The following RBFOX1 variants were observed in gnomAD, a reference collection of about 807,000 sequenced individuals.
RBFOX1 encodes the protein RNA binding fox-1 homolog 1, also known as RNA binding protein fox-1 homolog 1.
A neutral mutation model predicts 57.7 loss-of-function variants in RBFOX1; 8 were observed. The ratio of observed to expected loss-of-function variants is 0.14; its 90% CI spans 0.08 to 0.25. The LOEUF is 0.25. Among genes scored for constraint, RBFOX1 ranks in the 10% least tolerant of loss-of-function variants. The pLI is 1.00. For synonymous variants in RBFOX1, 326 were observed against 222.4 expected (o/e 1.47, Z -4.15); for missense variants, 611 against 548.5 (o/e 1.11, Z -1.14).
At chr16:7,667,925 C>T (rs934526241) in intron 13 of RBFOX1, among the ~76,000 whole-genome samples, 1 of 152,118 alleles carries the variant, frequency 6.6e-6, no homozygotes, top group Non-Finnish European at 1.5e-5. Context: ...CCATCCGCCT[C>T]GGTCTCCCAA....
rs1048992727 is a variant in RBFOX1 at position 6,402,698 on chromosome 16, A to T, written c.-64+85641A>T. ...CCTTAATGATGAGTAAGGCCCATTT[A>T]TTTAGAAAACATGGTTTGAAGGATA... On this transcript the variant is annotated intron_variant, in intron 2 of 15. Transcript: ENST00000550418. Among the ~76,000 whole-genome samples, 320 of 152,282 alleles carry T rather than the reference A, an allele frequency of 2.1e-3. 8 individuals carry two copies. The highest frequency in any genetic ancestry group is 5.4e-4 in the Non-Finnish European group (37 of 68,026).
intron 2 of RBFOX1, among the ~76,000 whole-genome samples, chr16:6,507,733 C>T (rs767126166): frequency 2.0e-5 from 3 of 151,878 alleles, no homozygotes; most frequent in Non-Finnish European, 4.4e-5. Context: ...AAGACACATA[C>T]AGTATGATTC....
chr16:7,627,770 T>C (rs1212044565), intron 10 of RBFOX1, among the ~76,000 whole-genome samples: 1 of 152,178 alleles, frequency 6.6e-6, no homozygotes, highest in Non-Finnish European at 1.5e-5. Context: ...AAGCGTCCTT[T>C]TAAGAAAAGG....
chr16:5,489,877 C>A (rs2042767664), intron 2 of RBFOX1, among the ~76,000 whole-genome samples: 1 of 152,258 alleles, frequency 6.6e-6, no homozygotes, highest in East Asian at 1.9e-4. Context: ...CAGACCTGGG[C>A]ATTCCAGGTA....
intron 3 of RBFOX1, among the ~76,000 whole-genome samples, chr16:6,911,795 A>C (rs554548763): frequency 6.6e-6 from 1 of 152,208 alleles, no homozygotes; most frequent in South Asian, 2.1e-4. Flanking sequence ...GAAGAGATCT[A>C]TTTTTTCTTC....
chr16:6,309,633 A>T (rs531805277), intron 1 of RBFOX1, among the ~76,000 whole-genome samples: 86 of 151,966 alleles, frequency 5.7e-4, no homozygotes, highest in Non-Finnish European at 1.0e-3. Flanking sequence ...GAAATTAAAC[A>T]CACCAACAAT....
chr16:5,449,528 A>T (rs1010423525), intron 1 of RBFOX1, among the ~76,000 whole-genome samples: 5 of 152,218 alleles, frequency 3.3e-5, no homozygotes, highest in African/African-American at 1.2e-4. Flanking sequence ...GGTCACAGTC[A>T]GGATTTGAAC....
chr16:7,001,393 TGTATTTGTATATGTATATGTATA>T (rs1568311727), intron 3 of RBFOX1, among the ~76,000 whole-genome samples: 65 of 117,144 alleles, frequency 5.5e-4, no homozygotes, highest in African/African-American at 3.3e-3. Flanking sequence ...TATGTGTATG[TGTATTTGTATATGTATATGTATA>T]TGTATATGTA....
intron 3 of RBFOX1, among the ~76,000 whole-genome samples, chr16:5,668,114 C>T (rs187524392): frequency 6.6e-6 from 1 of 152,240 alleles, no homozygotes; most frequent in Non-Finnish European, 1.5e-5. Context: ...AACTCTGTCT[C>T]TACTAAAAAT....
chr16:6,142,352 G>C (rs1485414294), intron 1 of RBFOX1, among the ~76,000 whole-genome samples: 1 of 151,242 alleles, frequency 6.6e-6, no homozygotes, highest in South Asian at 2.1e-4. Flanking sequence ...CTCCCGAGTA[G>C]CTGGGACTAC....
At chr16:7,026,406 G>A (rs2040943867) in intron 3 of RBFOX1, among the ~76,000 whole-genome samples, 1 of 152,208 alleles carries the variant, frequency 6.6e-6, no homozygotes, top group Non-Finnish European at 1.5e-5. Flanking sequence ...AGTGGGTAAA[G>A]AACAGTTGAG....
chr16:7,089,173 G>A (rs551689418), intron 4 of RBFOX1, among the ~76,000 whole-genome samples: 3 of 152,070 alleles, frequency 2.0e-5, no homozygotes, highest in African/African-American at 7.2e-5. Flanking sequence ...AATGAATTCT[G>A]GCAGCTGGAG....
At chr16:7,131,364 TAA>T (rs35050100) in intron 4 of RBFOX1, among the ~76,000 whole-genome samples, 2 of 83,302 alleles carry the variant, frequency 2.4e-5, no homozygotes, top group African/African-American at 9.0e-5. Context: ...TTTTTTTTTT[TAA>T]AAAAAAAAAA....
intron 4 of RBFOX1, among the ~76,000 whole-genome samples, chr16:7,501,411 T>C (rs932471307): frequency 6.6e-6 from 1 of 152,252 alleles, no homozygotes; most frequent in African/African-American, 2.4e-5. Context: ...ATTTACTCTT[T>C]GATTTAATCA....
At chr16:6,533,306 C>T (rs1215587731) in intron 2 of RBFOX1, among the ~76,000 whole-genome samples, 2 of 152,160 alleles carry the variant, frequency 1.3e-5, no homozygotes, top group African/African-American at 4.8e-5. Flanking sequence ...GGGGAGAATG[C>T]AGTATCATCA....
chr16:7,053,345 C>T (rs923223324), intron 4 of RBFOX1, among the ~76,000 whole-genome samples: 2 of 152,212 alleles, frequency 1.3e-5, no homozygotes, highest in Non-Finnish European at 2.9e-5. Flanking sequence ...CCCTTTCCTT[C>T]ATGGAACAGA....
chr16:6,973,434 A>G (rs2086041955), intron 3 of RBFOX1, among the ~76,000 whole-genome samples: 1 of 152,200 alleles, frequency 6.6e-6, no homozygotes, highest in Admixed American at 6.6e-5. Context: ...TCCCAGTGAT[A>G]TCAACAGAAT....
intron 1 of RBFOX1, among the ~76,000 whole-genome samples, chr16:5,339,470 G>GTTTTTTGTTTTTTTTTTTTT (rs2064982780): frequency 2.4e-5 from 1 of 40,854 alleles, no homozygotes; most frequent in African/African-American, 8.2e-5. Flanking sequence ...CTTTTTCCGT[G>GTTTTTTGTTTTTTTTTTTTT]TTTTTTTTTT....
At chr16:7,056,613 G>A (rs1051897512) in intron 4 of RBFOX1, among the ~76,000 whole-genome samples, 12 of 152,108 alleles carry the variant, frequency 7.9e-5, no homozygotes, top group Admixed American at 3.9e-4. Flanking sequence ...TTGTTTCCCT[G>A]AACTATCTAC....
Sources: allele counts gnomAD v4.1 joint callset (sites outside exome capture counted in the v4.1 genomes callset), GRCh38; gene constraint gnomAD v4.1.1; transcripts MANE v1.5; gene names NCBI Gene and HGNC (gene_info 2026-07-23, HGNC 2026-07-21).